RNF128: variants seen among roughly 807,000 people sequenced by gnomAD.
RNF128 encodes ring finger protein 128.
RNF128 carries 13 observed loss-of-function variants against 26.2 expected under a neutral mutation model. The observed-to-expected ratio is 0.50, with a 90% CI of 0.32 to 0.79. RNF128 has a LOEUF of 0.79. Among genes scored for constraint, RNF128 ranks in the 30% least tolerant of loss-of-function variants. The pLI, the probability that RNF128 is intolerant of heterozygous loss-of-function variation, is 0.03. For missense variants in RNF128, 315 were observed against 349.7 expected, an observed-to-expected ratio of 0.90 and a Z score of 0.79; for synonymous variants, 149 against 142.5, an observed-to-expected ratio of 1.05 and a Z score of -0.32.
intron 6 of RNF128, among the ~76,000 whole-genome samples, chrX:106,794,180 G>A (rs1270348728): frequency 9.1e-6 from 1 of 110,179 alleles, no homozygotes; most frequent in Non-Finnish European, 1.9e-5. Flanking sequence ...TTGTACTATA[G>A]GATCCTAGAC....
Position 106,694,220 on chromosome X carries a change from A to G in RNF128, c.218A>G (p.Asn73Ser), listed in dbSNP as rs761968673. 5.0e-6 allele frequency: 6 copies of G among 1,210,897 alleles called. No individual in the cohort carries two copies. The South Asian group carries it at 1.1e-4, about 21-fold the overall frequency. Residue 73 changes from asparagine to serine, a missense_variant, in exon 1 of 7, where the codon AAT (asparagine) becomes AGT (serine). Coordinates refer to the RNF128 transcript ENST00000324342. ...GGAGTGGTAGGCATCCCTAAGAACA[A>G]TAACTACCAAGCTTGTGACCACAAC...
chrX:106,788,530 G>A (rs1602393127), intron 4 of RNF128, among the ~76,000 whole-genome samples: 1 of 52,251 alleles, frequency 1.9e-5, no homozygotes, highest in Non-Finnish European at 3.1e-5. Flanking sequence ...TATATAATAT[G>A]TATTATATAT....
At chrX:106,700,028 ATT>A (rs371053898) in intron 1 of RNF128, among the ~76,000 whole-genome samples, 55 of 101,542 alleles carry the variant, frequency 5.4e-4, no homozygotes, top group African/African-American at 1.9e-3. Context: ...TATTTATTTA[ATT>A]TTTTTTTTTT....
chrX:106,759,633 A>G (rs1196549487), intron 1 of RNF128, among the ~76,000 whole-genome samples: 1 of 112,091 alleles, frequency 8.9e-6, no homozygotes, highest in African/African-American at 3.2e-5. Context: ...GTCATTTGCA[A>G]CAACACATAT....
chrX:106,757,582 G>T (rs1415302193), intron 1 of RNF128, among the ~76,000 whole-genome samples: 1 of 71,488 alleles, frequency 1.4e-5, no homozygotes, highest in Admixed American at 1.7e-4. Context: ...TAGGGACTGT[G>T]GTGGGGTGGG....
chrX:106,706,879 T>C (rs1929050999), intron 1 of RNF128, among the ~76,000 whole-genome samples: 1 of 111,910 alleles, frequency 8.9e-6, no homozygotes, highest in Non-Finnish European at 1.9e-5. Flanking sequence ...ATGATGCTCA[T>C]GAAGTCATCC....
chrX:106,697,923 C>T (rs368045213), intron 1 of RNF128, among the ~76,000 whole-genome samples: 23 of 108,452 alleles, frequency 2.1e-4, no homozygotes, highest in African/African-American at 6.4e-4. Flanking sequence ...TATCTACACA[C>T]AAACATATAT....
At position 106,774,015 on chromosome X, in the gene RNF128, C is replaced by T. The variant is rs1359268613; in HGVS notation, c.732+855C>T. ...CTTCCCACCTACTCTATGTCTTCAC[C>T]TTGCACAACTGAAGTATCAGAAAGG... On this transcript the variant is annotated intron_variant, in intron 2 of 6. Coordinates refer to ENST00000255499, the MANE Select transcript of RNF128 (RefSeq NM_194463.2). Among the ~76,000 whole-genome samples, 3 of 111,433 alleles carry T rather than the reference C, an allele frequency of 2.7e-5. No individual in the cohort carries two copies. In the Admixed American group the frequency reaches 2.9e-4, roughly 11 times the overall value.
intron 2 of RNF128, among the ~76,000 whole-genome samples, chrX:106,776,117 C>A (rs922743636): frequency 8.0e-5 from 9 of 112,258 alleles, no homozygotes. Flanking sequence ...CGGGAACAAC[C>A]CTAACTTGAG....
At chrX:106,697,064 T>C (rs1290322104) in intron 1 of RNF128, among the ~76,000 whole-genome samples, 5 of 111,765 alleles carry the variant, frequency 4.5e-5, no homozygotes, top group African/African-American at 1.6e-4. Flanking sequence ...TTGTGACAAG[T>C]TGGCCACCCT....
intron 1 of RNF128, among the ~76,000 whole-genome samples, chrX:106,768,758 C>T (rs1930305355): frequency 9.0e-6 from 1 of 111,564 alleles, no homozygotes; most frequent in South Asian, 3.8e-4. Flanking sequence ...CTTCTGCCAG[C>T]TTTTGAATGT....
At chrX:106,774,788 G>T (rs1930437456) in intron 2 of RNF128, among the ~76,000 whole-genome samples, 1 of 111,711 alleles carries the variant, frequency 9.0e-6, no homozygotes, top group African/African-American at 3.2e-5. Context: ...GCTTTCAGAT[G>T]AAAATACATT....
At chrX:106,744,194 A>G (rs1929755380) in intron 1 of RNF128, among the ~76,000 whole-genome samples, 1 of 111,525 alleles carries the variant, frequency 9.0e-6, no homozygotes, top group Admixed American at 9.5e-5. Flanking sequence ...GCACATGTAT[A>G]CATATGTAAC....
In RNF128 at chrX:106,777,057, G is replaced by A. The variant is rs754644343; in HGVS notation, c.732+3897G>A. The stretch of plus-strand genomic sequence containing the variant: ...TAATAAATATTTCTGTGACATTTCC[G>A]GATTTTTTTTGTAACCAAACCAAAC... On this transcript the variant is annotated intron_variant, in intron 2 of 6. Transcript: ENST00000255499. 9.9e-5 allele frequency among the ~76,000 whole-genome samples: 11 copies of A among 111,404 alleles called. No individual in the cohort carries two copies. The South Asian group carries it at 3.0e-3, about 31-fold the overall frequency.
chrX:106,764,606 G>A (rs779772952), intron 1 of RNF128, among the ~76,000 whole-genome samples: 62 of 110,709 alleles, frequency 5.6e-4, no homozygotes, highest in Non-Finnish European at 1.2e-3. Context: ...GGCAGAGGTT[G>A]CAGTGAGCCA....
At chrX:106,716,529 CTGTATA>C (rs1929219312) in intron 1 of RNF128, among the ~76,000 whole-genome samples, 1 of 111,308 alleles carries the variant, frequency 9.0e-6, no homozygotes, top group Admixed American at 9.6e-5. Context: ...GGTTAAATGA[CTGTATA>C]TATTTGTAAA....
At chrX:106,795,289 A>G (rs1334990141) in intron 6 of RNF128, among the ~76,000 whole-genome samples, 1 of 111,678 alleles carries the variant, frequency 9.0e-6, no homozygotes, top group African/African-American at 3.2e-5. Flanking sequence ...TATTTAAGGT[A>G]AGGAAGAAGT....
intron 1 of RNF128, among the ~76,000 whole-genome samples, chrX:106,701,302 G>A (rs1374186984): frequency 3.6e-5 from 4 of 111,418 alleles, no homozygotes; most frequent in South Asian, 7.4e-4. Context: ...TGCTCCCACC[G>A]TTCTATCATT....
intron 1 of RNF128, among the ~76,000 whole-genome samples, chrX:106,721,618 T>C (rs985644835): frequency 2.7e-5 from 3 of 111,846 alleles, no homozygotes; most frequent in Admixed American, 1.9e-4. Flanking sequence ...CTGGCCCATA[T>C]ATATCCTGGC....
Sources: gnomAD v4.1 joint callset for allele counts (sites outside exome capture counted in the v4.1 genomes callset) on GRCh38, gnomAD v4.1.1 for gene constraint, MANE v1.5 for transcripts, NCBI Gene and HGNC (gene_info 2026-07-23, HGNC 2026-07-21) for gene names.